DLGAP2: variants seen among roughly 807,000 people sequenced by gnomAD.
The protein encoded by DLGAP2 is disks large-associated protein 2.
In DLGAP2, 26 loss-of-function variants were observed where a neutral mutation model predicts 100.3. That is an observed-to-expected ratio of 0.26 (90% CI 0.19 to 0.36). DLGAP2 has a LOEUF of 0.36. Among genes scored for constraint, DLGAP2 ranks in the 10% least tolerant of loss-of-function variants. The pLI is 1.00. For missense variants in DLGAP2, 1,858 were observed against 1,453.2 expected (o/e 1.28, Z -4.53); for synonymous variants, 886 against 630.1 (o/e 1.41, Z -6.08).
Position 1,303,413 on chromosome 8 carries a change from A to G in DLGAP2, c.106+44530A>G, listed in dbSNP as rs1180324460. Among the ~76,000 whole-genome samples the G allele has an allele frequency of 3.3e-3, 498 of 151,398 alleles. 1 individual carries two copies. The highest frequency in any genetic ancestry group is 0.011 in the African/African-American group (475 of 41,360). Reference sequence around the variant, plus strand: ...CTCCGTCTCAAAAACAAAAAAAAAAAAAAAAAAAAAAAAAGGAAGGAGAAG... The same window carrying G: ...CTCCGTCTCAAAAACAAAAAAAAAAGAAAAAAAAAAAAAAGGAAGGAGAAG... On this transcript the variant is annotated intron_variant, in intron 3 of 14. Transcript: ENST00000637795.
chr8:1,489,241 C>G (rs529296373), intron 3 of DLGAP2, among the ~76,000 whole-genome samples: 1 of 152,226 alleles, frequency 6.6e-6, no homozygotes, highest in South Asian at 2.1e-4. Flanking sequence ...AGTTGGAGTT[C>G]GTGGAAAAAA....
intron 2 of DLGAP2, among the ~76,000 whole-genome samples, chr8:1,176,724 C>T (rs944739454): frequency 2.0e-5 from 3 of 152,108 alleles, no homozygotes; most frequent in African/African-American, 7.2e-5. Flanking sequence ...CTGTTGTGCA[C>T]TCAGGTGCAG....
At chr8:1,319,822 A>G (rs1312261820) in intron 3 of DLGAP2, among the ~76,000 whole-genome samples, 2 of 152,198 alleles carry the variant, frequency 1.3e-5, no homozygotes, top group Admixed American at 1.3e-4. Flanking sequence ...ATCACATGCC[A>G]GACAATGGCA....
intron 1 of DLGAP2, among the ~76,000 whole-genome samples, chr8:746,319 A>T (rs1286041138): frequency 1.3e-5 from 2 of 152,126 alleles, no homozygotes; most frequent in East Asian, 3.9e-4. Context: ...ACTCATATTA[A>T]CTCATAGAAT....
At position 1,316,198 on chromosome 8, in the gene DLGAP2, C is replaced by G. The variant is rs577869612; in HGVS notation, c.106+57315C>G. ...AACTCAGCAGCGTTTAAAAATAGAG[C>G]CTGTACGAGTGCAGCGTCTCTCCAA... On this transcript the variant is annotated intron_variant, in intron 3 of 14. Transcript: ENST00000637795. Among the ~76,000 whole-genome samples the G allele has an allele frequency of 8.4e-5, 10 of 119,606 alleles. 1 individual carries two copies. Among genetic ancestry groups the G allele is most frequent in the African/African-American group, 2.8e-4 (9 of 32,456 alleles). 78.5% of individuals were successfully genotyped at this position (119,606 alleles called of 152,430 possible).
chr8:1,501,304 G>C, intron 3 of DLGAP2, 62 bp from the exon 4 acceptor site: 1 of 1,504,042 alleles, frequency 6.6e-7, no homozygotes, highest in South Asian at 1.2e-5. Flanking sequence ...AAGATGTGCA[G>C]GGAATGACTG....
chr8:974,314 TTAAGTC>T (rs1186063487), intron 2 of DLGAP2, among the ~76,000 whole-genome samples: 2 of 152,218 alleles, frequency 1.3e-5, no homozygotes, highest in Non-Finnish European at 2.9e-5. Flanking sequence ...TAAGAATTAC[TTAAGTC>T]TACTCTTTGT....
At chr8:1,361,698 G>A (rs377743273) in intron 3 of DLGAP2, among the ~76,000 whole-genome samples, 4 of 152,274 alleles carry the variant, frequency 2.6e-5, no homozygotes, top group African/African-American at 2.4e-5. Context: ...AAGCACCTTC[G>A]CGCAAGGCCC....
intron 2 of DLGAP2, among the ~76,000 whole-genome samples, chr8:1,140,399 T>G (rs898144128): frequency 2.7e-5 from 4 of 146,828 alleles, no homozygotes; most frequent in Non-Finnish European, 6.0e-5. Flanking sequence ...CCATGCCTCA[T>G]GCCCTAGGGT....
chr8:1,156,938 T>G (rs1347586255), intron 2 of DLGAP2, among the ~76,000 whole-genome samples: 1 of 152,098 alleles, frequency 6.6e-6, no homozygotes, highest in African/African-American at 2.4e-5. Context: ...GGTCCATCCT[T>G]GAGTTCCTTG....
intron 1 of DLGAP2, among the ~76,000 whole-genome samples, chr8:845,134 C>T (rs1797050153): frequency 6.6e-6 from 1 of 152,210 alleles, no homozygotes; most frequent in South Asian, 2.1e-4. Context: ...TATTTGTGCA[C>T]AACTTTTTGC....
chr8:1,379,140 C>T (rs961970665), intron 3 of DLGAP2, among the ~76,000 whole-genome samples: 2 of 152,294 alleles, frequency 1.3e-5, no homozygotes, highest in Non-Finnish European at 2.9e-5. Flanking sequence ...GCCAGTTCTT[C>T]CCTGAGCCCT....
chr8:1,685,472 T>C (rs1369984072), intron 12 of DLGAP2, among the ~76,000 whole-genome samples: 1 of 152,204 alleles, frequency 6.6e-6, no homozygotes, highest in Non-Finnish European at 1.5e-5. Context: ...ATGCAGGTCA[T>C]AGACTGTGTC....
At position 1,470,780 on chromosome 8, in the gene DLGAP2, CCCAGCCTTTCCCGACCCCT is replaced by C. The variant is rs1563168464; in HGVS notation, c.107-30543_107-30525del. ...GACTCCTCCAGCCTTTCCCGACTCC[CCCAGCCTTTCCCGACCCCT>C]CCAGCCTTTCCCGACCCCTCCAGCC... is the stretch of plus-strand genomic sequence containing the variant. On this transcript the variant is annotated intron_variant, in intron 3 of 14. Coordinates refer to ENST00000637795, the MANE Select transcript of DLGAP2 (RefSeq NM_001346810.2). 3.9e-4 allele frequency among the ~76,000 whole-genome samples: 35 copies of C among 89,726 alleles called. 3 individuals carry two copies. Among genetic ancestry groups the C allele is most frequent in the East Asian group, 3.6e-3 (6 of 1,668 alleles). The allele number at this position is 89,726 out of a possible 152,430, so 58.9% of individuals were successfully genotyped here.
chr8:898,953 C>G (rs1393424860), intron 1 of DLGAP2, among the ~76,000 whole-genome samples: 3 of 152,256 alleles, frequency 2.0e-5, no homozygotes, highest in Non-Finnish European at 4.4e-5. Context: ...GACAAACAGA[C>G]TCTTGGGCCC....
rs2116774920 is a variant in DLGAP2, at chr8:1,206,761, T to G, written c.74-52090T>G. Among the ~76,000 whole-genome samples, 2 of 152,352 alleles carry G rather than the reference T, an allele frequency of 1.3e-5. 1 individual carries two copies. Among genetic ancestry groups the G allele is most frequent in the South Asian group, 4.1e-4 (2 of 4,834 alleles). The stretch of plus-strand genomic sequence containing the variant: ...GAGAACTGGTCTTCCGGGCCCTGCC[T>G]ACCTCTCTGCCATCGCTGCTACCAT... On this transcript the variant is annotated intron_variant, in intron 2 of 14. Transcript: ENST00000637795.
rs145703252 is a variant in DLGAP2, at chr8:910,322, G to A, written c.73+2356G>A. The A allele has an allele frequency of 1.5e-3, 236 of 152,326 alleles. 2 individuals are homozygous for A. The highest frequency in any genetic ancestry group is 5.4e-3 in the African/African-American group (224 of 41,562). 9.4% of individuals were successfully genotyped at this position (152,326 alleles called of 1,614,324 possible). A position where few individuals can be genotyped will look rare whatever the true frequency, so the allele number is the denominator to read the frequency against. On this transcript the variant is annotated intron_variant, in intron 2 of 14. Coordinates refer to ENST00000637795, the MANE Select transcript of DLGAP2 (RefSeq NM_001346810.2). ...TCATGTTTCTGAATTAAACATGGCT[G>A]CTTGTGAAAGATAAATATCCTATCG...
intron 1 of DLGAP2, among the ~76,000 whole-genome samples, chr8:787,094 ACTGACGATG>A (rs1223422787): frequency 1.3e-5 from 2 of 152,158 alleles, no homozygotes; most frequent in Admixed American, 6.5e-5. Context: ...TTCTAGGTAA[ACTGACGATG>A]CTTTATTCAA....
chr8:1,365,055 G>C (rs999863161), intron 3 of DLGAP2, among the ~76,000 whole-genome samples: 1 of 152,202 alleles, frequency 6.6e-6, no homozygotes, highest in Non-Finnish European at 1.5e-5. Context: ...ATTTACGACT[G>C]AGATGACCAT....
Sources: allele counts gnomAD v4.1 joint callset (sites outside exome capture counted in the v4.1 genomes callset), GRCh38; gene constraint gnomAD v4.1.1; transcripts MANE v1.5; gene names NCBI Gene and HGNC (gene_info 2026-07-23, HGNC 2026-07-21).